Variants in PCDH18 observed in about 807,000 individuals in gnomAD.
The protein encoded by PCDH18 is protocadherin 18, also known as protocadherin-18.
PCDH18 carries 38 observed loss-of-function variants against 71.5 expected under a neutral mutation model. That is an observed-to-expected ratio of 0.53 (90% confidence interval 0.41 to 0.70). The LOEUF (loss-of-function observed/expected upper bound fraction) is 0.70, where lower values mean the gene tolerates loss of function less well. PCDH18 is among the 30% of genes least tolerant of loss of function. The pLI, the probability that PCDH18 is intolerant of heterozygous loss-of-function variation, is 0.00. For synonymous variants in PCDH18, 565 were observed against 505.4 expected (o/e 1.12, Z -1.58); for missense variants, 1,334 against 1,384.6 (o/e 0.96, Z 0.58).
At position 137,530,769 on chromosome 4, in the gene PCDH18, C is replaced by T. The variant is rs753591659; in HGVS notation, c.1320G>A (p.Arg440=). The T allele has an allele frequency of 1.9e-6, 3 of 1,612,536 alleles. No homozygotes were observed. The East Asian group carries it at 6.7e-5, about 36-fold the overall frequency. The change falls in exon 1 of 4, where the codon AGG becomes AGA. Residue 440 remains arginine, a synonymous_variant. Transcript: ENST00000344876. ...EYSLTVIAED[R]GTPSLSTVKH... ...TCACTGTAGAGAGACTGGGTGTCCC[C>T]CTGTCCTCAGCGATTACAGTCAAAC...
Position 137,519,277 on chromosome 4 carries a change from C to T in PCDH18, c.*1752G>A, listed in dbSNP as rs929721114. The T allele has an allele frequency of 3.3e-5, 5 of 152,158 alleles. No individual in the cohort carries two copies. The highest frequency in any genetic ancestry group is 9.6e-5 in the African/African-American group (4 of 41,452). 9.4% of individuals were successfully genotyped at this position (152,158 alleles called of 1,614,324 possible). Reference sequence around the variant, plus strand: ...TTTTAGTCACTTTTCAGTTACTTAACTTTCCCAGTGTTTCAATTCCTGACT... The same window carrying T: ...TTTTAGTCACTTTTCAGTTACTTAATTTTCCCAGTGTTTCAATTCCTGACT... On this transcript the variant is annotated 3_prime_UTR_variant, in exon 4 of 4. Coordinates refer to ENST00000344876, the MANE Select transcript of PCDH18 (RefSeq NM_019035.5).
At position 137,530,578 on chromosome 4, in the gene PCDH18, A is replaced by C; in HGVS notation, c.1511T>G (p.Ile504Ser). The C allele has an allele frequency of 1.2e-6, 2 of 1,614,094 alleles. No individual in the cohort carries two copies. The highest frequency in any genetic ancestry group is 8.5e-7 in the Non-Finnish European group (1 of 1,179,964). The change falls in exon 1 of 4, where the codon ATC becomes AGC. Residue 504 changes from isoleucine to serine, a missense_variant. By Grantham distance (142) the Ile-to-Ser change is moderately radical. Coordinates refer to ENST00000344876, the MANE Select transcript of PCDH18 (RefSeq NM_019035.5). Reference protein sequence around the residue: ...LGENGQVTYTILESFILGSSI... With the variant: ...LGENGQVTYTSLESFILGSSI... ...ACTTCCTAGAATAAAACTCTCCAAG[A>C]TGGTGTATGTCACTTGCCCATTTTC...
intron 3 of PCDH18, among the ~76,000 whole-genome samples, chr4:137,526,562 G>C (rs1029128860): frequency 1.3e-5 from 2 of 151,902 alleles, no homozygotes; most frequent in African/African-American, 4.8e-5. Context: ...TCTTCAAATT[G>C]GTCAAGAAAG....
chr4:137,530,881 C>T lies in PCDH18; in HGVS notation c.1208G>A (p.Gly403Asp), dbSNP rs1320420594. ...ATATGTCTTCTGAAGTTTAAAGTGA[C>T]CATGTCCATGAAGCTTACAAACTAT... is the stretch of plus-strand genomic sequence containing the variant. ...GEIVCKLHGHGHFKLQKTYEN... is the reference protein window; with the variant it reads ...GEIVCKLHGHDHFKLQKTYEN... The change falls in exon 1 of 4, where the codon GGT becomes GAT. Residue 403 changes from glycine (G) to aspartate (D), a missense_variant. Physicochemically the swap from Gly to Asp is moderately conservative, Grantham distance 94 (BLOSUM62 -1). Transcript: ENST00000344876. The T allele has an allele frequency of 6.2e-7, 1 of 1,611,380 alleles. No homozygotes were observed. The highest frequency in any genetic ancestry group is 1.3e-5 in the African/African-American group (1 of 74,696).
In PCDH18 at chr4:137,531,129, A is replaced by G. The variant is rs1560728020; in HGVS notation, c.960T>C (p.Tyr320=). Residue 320 remains tyrosine, a synonymous_variant, in exon 1 of 4, where the codon TAT becomes TAC. Coordinates refer to ENST00000344876, the MANE Select transcript of PCDH18 (RefSeq NM_019035.5). Reference sequence around the variant, plus strand: ...AATCTTGAGCCTGAACATCAATCTCATAGGATTTGGTGATTTCATAATCCA... The same window carrying G: ...AATCTTGAGCCTGAACATCAATCTCGTAGGATTTGGTGATTTCATAATCCA... ...KQVDYEITKS[Y]EIDVQAQDLG... is the part of the protein sequence containing the mutation. The G allele has an allele frequency of 1.2e-6, 2 of 1,613,262 alleles. No homozygotes were observed. Among genetic ancestry groups the G allele is most frequent in the East Asian group, 2.2e-5 (1 of 44,866 alleles).
chr4:137,531,127 T>C lies in PCDH18; in HGVS notation c.962A>G (p.Glu321Gly). The C allele has an allele frequency of 6.2e-7, 1 of 1,613,870 alleles. No homozygotes were observed. The highest frequency in any genetic ancestry group is 8.5e-7 in the Non-Finnish European group (1 of 1,179,796). ...CAAATCTTGAGCCTGAACATCAATCTCATAGGATTTGGTGATTTCATAATC... is the reference window on the plus strand; with the variant it reads ...CAAATCTTGAGCCTGAACATCAATCCCATAGGATTTGGTGATTTCATAATC... ...QVDYEITKSYEIDVQAQDLGP... is the reference protein window; with the variant it reads ...QVDYEITKSYGIDVQAQDLGP... The change falls in exon 1 of 4, where the codon GAG becomes GGG. Residue 321 changes from glutamate to glycine, a missense_variant. Around this residue, in one of 3 missense-constraint regions of PCDH18, gnomAD observed 1,011 missense variants for 1,048.0 expected, o/e 0.96. Coordinates refer to ENST00000344876, the MANE Select transcript of PCDH18 (RefSeq NM_019035.5).
rs748573571 is a variant in PCDH18 at position 137,528,552 on chromosome 4, C to G, written c.2666G>C (p.Arg889Pro). ...EAGDSDYDLG[R>P]DSPIDRLLGE... ...CAACAGCCTATCTATTGGAGAATCT[C>G]GCCCCAAATCATAATCACTGTCTCC... is the stretch of plus-strand genomic sequence containing the variant. The change falls in exon 3 of 4, where the codon CGA becomes CCA. Residue 889 changes from arginine to proline, a missense_variant. This residue lies in a region of PCDH18 where 319 missense variants were observed against 316.3 expected (regional missense o/e 1.01). Transcript: ENST00000344876. 1.2e-6 allele frequency: 2 copies of G among 1,613,926 alleles called. No homozygotes were observed. Among genetic ancestry groups the G allele is most frequent in the African/African-American group, 1.3e-5 (1 of 75,002 alleles).
rs1021897571 is a variant in PCDH18, at chr4:137,526,983, G to C, written c.2740+1495C>G. ...TAAAAAAAAAAAAAAAAAAAAAATA[G>C]AAGCCTGTTACTACTGTCACTACTA... On this transcript the variant is annotated intron_variant, in intron 3 of 3. Transcript: ENST00000344876. 7.1e-5 allele frequency among the ~76,000 whole-genome samples: 10 copies of C among 140,572 alleles called. No individual in the cohort carries two copies. The South Asian group carries it at 2.1e-3, about 29-fold the overall frequency. 92.2% of individuals were successfully genotyped at this position (140,572 alleles called of 152,430 possible). A position where few individuals can be genotyped will look rare whatever the true frequency, so the allele number is the denominator to read the frequency against.
Position 137,528,634 on chromosome 4 carries a change from G to A in PCDH18, c.2584C>T (p.Leu862Phe), listed in dbSNP as rs2149215073. The A allele has an allele frequency of 6.2e-7, 1 of 1,613,778 alleles. No homozygotes were observed. The highest frequency in any genetic ancestry group is 8.5e-7 in the Non-Finnish European group (1 of 1,179,808). Residue 862 changes from leucine (L) to phenylalanine (F), a missense_variant, in exon 3 of 4, where the codon CTT (leucine) becomes TTT (phenylalanine). This residue lies in a region of PCDH18 where 1,011 missense variants were observed against 1,048.0 expected (regional missense o/e 0.96). Transcript: ENST00000344876. ...AAGCTAAATTTGTCCATGTCTTGAA[G>A]GGCATATCTGGAAAGATAAATCACA... is the stretch of plus-strand genomic sequence containing the variant. ...NKYSRSYRYA[L>F]QDMDKFSLKD...
At position 137,521,065 on chromosome 4, in the gene PCDH18, C is replaced by G. The variant is rs943728269; in HGVS notation, c.3372G>C (p.Glu1124Asp). Residue 1124 changes from glutamate (E) to aspartate (D), a missense_variant, in exon 4 of 4, where the codon GAG becomes GAC. This residue lies in a region of PCDH18 where 319 missense variants were observed against 316.3 expected (regional missense o/e 1.01). Transcript: ENST00000344876. ...GGACATCTTGAAGCAGTTTGTTAAT[C>G]TCTGCCACCAGTTCACTGGCATCCA... The part of the protein sequence containing the change: ...ELMDASELVA[E>D]INKLLQDVRQ... 6.2e-7 allele frequency: 1 copy of G among 1,607,874 alleles called. No individual in the cohort carries two copies. Among genetic ancestry groups the G allele is most frequent in the South Asian group, 1.1e-5 (1 of 90,542 alleles).
intron 3 of PCDH18, among the ~76,000 whole-genome samples, chr4:137,524,655 C>A (rs1397349399): frequency 6.6e-6 from 1 of 152,116 alleles, no homozygotes; most frequent in Non-Finnish European, 1.5e-5. Context: ...TGAGGAGATG[C>A]TTCTAGCTAT....
rs187907261 is a variant in PCDH18, at chr4:137,531,247, A to G, written c.842T>C (p.Ile281Thr). 6.2e-7 allele frequency: 1 copy of G among 1,613,638 alleles called. No individual in the cohort carries two copies. Among genetic ancestry groups the G allele is most frequent in the East Asian group, 2.2e-5 (1 of 44,854 alleles). The change falls in exon 1 of 4, where the codon ATT (isoleucine) becomes ACT (threonine). Residue 281 changes from isoleucine (I) to threonine (T), a missense_variant. Physicochemically the swap from Ile to Thr is moderately conservative, Grantham distance 89. This residue lies in a region of PCDH18 where 1,011 missense variants were observed against 1,048.0 expected (regional missense o/e 0.96). Coordinates refer to ENST00000344876, the MANE Select transcript of PCDH18 (RefSeq NM_019035.5). Reference protein sequence around the residue: ...TDPDEGANGKIVYSFSSHVSP... With the variant: ...TDPDEGANGKTVYSFSSHVSP... ...CACATGACTGCTGAAGGAATATACA[A>G]TTTTCCCATTAGCGCCCTCATCTGG...
chr4:137,530,397 G>C lies in PCDH18; in HGVS notation c.1692C>G (p.Leu564=). Residue 564 remains leucine, a synonymous_variant, in exon 1 of 4, where the codon CTC becomes CTG. Coordinates refer to ENST00000344876, the MANE Select transcript of PCDH18 (RefSeq NM_019035.5). ...CGTTGTCATTTTCGTCAATGATGGT[G>C]AGCACAACTGTGGTATTGCTTACCA... is the stretch of plus-strand genomic sequence containing the variant. ...KQLVSNTTVV[L]TIIDENDNVP... is the part of the protein sequence containing the mutation. 4 of 1,614,040 alleles carry C rather than the reference G, an allele frequency of 2.5e-6. No homozygotes were observed. The highest frequency in any genetic ancestry group is 2.5e-6 in the Non-Finnish European group (3 of 1,179,970).
At position 137,520,959 on chromosome 4, in the gene PCDH18, G is replaced by T; in HGVS notation, c.*70C>A. ...CTATTTGGCAATGCCAGTTCTTTCAGGGTTTTTTGTTGTTGTTGTTGTTCC... is the reference window on the plus strand; with the variant it reads ...CTATTTGGCAATGCCAGTTCTTTCATGGTTTTTTGTTGTTGTTGTTGTTCC... On this transcript the variant is annotated 3_prime_UTR_variant, in exon 4 of 4. Coordinates refer to ENST00000344876, the MANE Select transcript of PCDH18 (RefSeq NM_019035.5). 1 of 1,125,872 alleles carries T rather than the reference G, an allele frequency of 8.9e-7. No homozygotes were observed. The highest frequency in any genetic ancestry group is 1.3e-6 in the Non-Finnish European group (1 of 781,166). The allele number at this position is 1,125,872 out of a possible 1,614,324, so 69.7% of individuals were successfully genotyped here. A position where few individuals can be genotyped will look rare whatever the true frequency, so the allele number is the denominator to read the frequency against.
At chr4:137,525,621 T>C (rs144191939) in intron 3 of PCDH18, among the ~76,000 whole-genome samples, 4 of 152,274 alleles carry the variant, frequency 2.6e-5, no homozygotes, top group East Asian at 3.9e-4. Context: ...AGTATGCATA[T>C]TGCAGTCTAC....
chr4:137,530,888 C>T lies in PCDH18; in HGVS notation c.1201G>A (p.Gly401Arg), dbSNP rs1731662757. 6.2e-7 allele frequency: 1 copy of T among 1,611,996 alleles called. No individual in the cohort carries two copies. The highest frequency in any genetic ancestry group is 1.7e-5 in the Admixed American group (1 of 59,644). The stretch of plus-strand genomic sequence containing the variant: ...TTCTGAAGTTTAAAGTGACCATGTC[C>T]ATGAAGCTTACAAACTATTTCTCCA... ...LNGEIVCKLH[G>R]HGHFKLQKTY... The change falls in exon 1 of 4, where the codon GGA becomes AGA. Residue 401 changes from glycine to arginine, a missense_variant. By Grantham distance (125) the Gly-to-Arg change is moderately radical. Transcript: ENST00000344876.
In PCDH18 at chr4:137,529,336, A is replaced by C. The variant is rs530809240; in HGVS notation, c.2487+266T>G. The C allele has an allele frequency of 3.3e-4, 113 of 345,456 alleles. 1 individual carries two copies. Among genetic ancestry groups the C allele is most frequent in the South Asian group, 8.8e-4 (9 of 10,190 alleles). 21.4% of individuals were successfully genotyped at this position (345,456 alleles called of 1,614,324 possible). On this transcript the variant is annotated intron_variant, in intron 1 of 3. Coordinates refer to ENST00000344876, the MANE Select transcript of PCDH18 (RefSeq NM_019035.5). ...TTATTTTAATCTGGGAAGCAAGGGG[A>C]CTCTAATTACATAGTCCTTTGTGAC... is the stretch of plus-strand genomic sequence containing the variant.
At chr4:137,526,115 A>G (rs1003248630) in intron 3 of PCDH18, among the ~76,000 whole-genome samples, 2 of 151,712 alleles carry the variant, frequency 1.3e-5, no homozygotes, top group African/African-American at 4.8e-5. Flanking sequence ...TGGAGGTGGC[A>G]ACTTAGAAAA....
intron 2 of PCDH18, 25 bp from the exon 3 acceptor site, chr4:137,528,666 A>T (rs1254090835): frequency 6.2e-7 from 1 of 1,612,864 alleles, no homozygotes; most frequent in South Asian, 1.1e-5. Context: ...CACAAAAAAA[A>T]ATTACAGTTT....
Sources: allele counts gnomAD v4.1 joint callset (sites outside exome capture counted in the v4.1 genomes callset), GRCh38; gene constraint gnomAD v4.1.1; regional missense constraint gnomAD v4.1.1; transcripts MANE v1.5; gene names NCBI Gene and HGNC (gene_info 2026-07-23, HGNC 2026-07-21).